Variants in SLC7A2 observed in about 807,000 individuals in gnomAD.
The protein encoded by SLC7A2 is cationic amino acid transporter 2.
Under a neutral mutation model 58.9 loss-of-function variants are expected in SLC7A2, and 48 were observed. The observed-to-expected ratio is 0.82, with a 90% CI of 0.65 to 1.04. The LOEUF (loss-of-function observed/expected upper bound fraction) is 1.04. Ranked by LOEUF, SLC7A2 falls within the 50% of genes least tolerant of loss-of-function variation. SLC7A2 has a pLI of 0.00. For missense variants in SLC7A2, 1,029 were observed against 818.8 expected, an observed-to-expected ratio of 1.26 and a Z score of -3.13; for synonymous variants, 363 against 314.5, an observed-to-expected ratio of 1.15 and a Z score of -1.63.
chr8:17,519,256 A>G (rs1240716255), intron 2 of SLC7A2, among the ~76,000 whole-genome samples: 2 of 152,202 alleles, frequency 1.3e-5, no homozygotes, highest in Non-Finnish European at 2.9e-5. Flanking sequence ...TTAGGTTTAT[A>G]TATGTAATAC....
chr8:17,556,176 C>A (rs1162574546), intron 8 of SLC7A2, among the ~76,000 whole-genome samples: 2 of 152,046 alleles, frequency 1.3e-5, no homozygotes, highest in African/African-American at 4.8e-5. Flanking sequence ...AAGGTTTGCC[C>A]AGATGATGTG....
intron 2 of SLC7A2, among the ~76,000 whole-genome samples, chr8:17,512,669 A>C (rs1800653488): frequency 1.3e-5 from 2 of 152,202 alleles, no homozygotes; most frequent in East Asian, 3.9e-4. Flanking sequence ...CATAACACAA[A>C]ATTTACCATC....
At chr8:17,508,599 C>T (rs772367958) in intron 2 of SLC7A2, among the ~76,000 whole-genome samples, 49 of 152,042 alleles carry the variant, frequency 3.2e-4, no homozygotes, top group Non-Finnish European at 5.1e-4. Flanking sequence ...TGGTGGGCAC[C>T]TGTAATCCTA....
chr8:17,545,491 G>C (rs758871078), intron 4 of SLC7A2, among the ~76,000 whole-genome samples: 1 of 144,290 alleles, frequency 6.9e-6, no homozygotes, highest in Non-Finnish European at 1.5e-5. Context: ...TCCGTCTCCC[G>C]GGTGCAAGCG....
intron 2 of SLC7A2, among the ~76,000 whole-genome samples, chr8:17,512,049 G>C (rs1800624328): frequency 6.6e-6 from 1 of 152,154 alleles, no homozygotes; most frequent in Non-Finnish European, 1.5e-5. Context: ...CAGTGGCTAT[G>C]GAATGCTTCT....
At position 17,530,545 on chromosome 8, in the gene SLC7A2, C is replaced by T. The variant is rs1189511171; in HGVS notation, c.-22-12773C>T. On this transcript the variant is annotated intron_variant, in intron 2 of 12. Coordinates refer to ENST00000494857, the MANE Select transcript of SLC7A2 (RefSeq NM_001370338.1). ...GTTGCTGAAGTTAGTTGGCAGAAGG[C>T]AGATTAGGTACAAGTGTGAGTAAAT... 2.0e-5 allele frequency among the ~76,000 whole-genome samples: 3 copies of T among 150,882 alleles called. No individual in the cohort carries two copies. The South Asian group carries it at 6.3e-4, about 32-fold the overall frequency.
intron 1 of SLC7A2, among the ~76,000 whole-genome samples, chr8:17,498,049 CA>C (rs1329100164): frequency 4.6e-5 from 7 of 152,136 alleles, no homozygotes; most frequent in African/African-American, 1.4e-4. Flanking sequence ...GCAAAAGCCA[CA>C]ATCATATGTG....
Position 17,552,108 on chromosome 8 carries a change from G to A in SLC7A2, c.1055+122G>A, listed in dbSNP as rs1284540055. 7 of 688,626 alleles carry A rather than the reference G, an allele frequency of 1.0e-5. No homozygotes were observed. In the African/African-American group the frequency reaches 1.3e-4, roughly 12 times the overall value. 42.7% of individuals were successfully genotyped at this position (688,626 alleles called of 1,614,324 possible). On this transcript the variant is annotated intron_variant, in intron 7 of 12. Coordinates refer to ENST00000494857, the MANE Select transcript of SLC7A2 (RefSeq NM_001370338.1). ...TAGAAACAAAATATTATGCAACTTTGTATTTATTGATTGGCTTGCTCAGAA... is the reference window on the plus strand; with the variant it reads ...TAGAAACAAAATATTATGCAACTTTATATTTATTGATTGGCTTGCTCAGAA...
chr8:17,566,298 G>C lies in SLC7A2; in HGVS notation c.*1152G>C, dbSNP rs1337347624. The C allele has an allele frequency of 6.6e-6, 1 of 152,220 alleles. No homozygotes were observed. 9.4% of individuals were successfully genotyped at this position (152,220 alleles called of 1,614,324 possible). A position where few individuals can be genotyped will look rare whatever the true frequency, so the allele number is the denominator to read the frequency against. ...GGGGGCTACAGCAGCATCATGCAAAGAGGGAAAGATGAAGGGATAGAAGAA... is the reference window on the plus strand; with the variant it reads ...GGGGGCTACAGCAGCATCATGCAAACAGGGAAAGATGAAGGGATAGAAGAA... On this transcript the variant is annotated 3_prime_UTR_variant, in exon 13 of 13. Coordinates refer to ENST00000494857, the MANE Select transcript of SLC7A2 (RefSeq NM_001370338.1).
intron 1 of SLC7A2, chr8:17,500,714 G>C (rs1271253426): frequency 6.6e-6 from 1 of 152,208 alleles, no homozygotes; most frequent in Non-Finnish European, 1.5e-5. Flanking sequence ...GCTTGAATCT[G>C]GGAGGTGGAG....
chr8:17,530,676 G>A (rs932641517), intron 2 of SLC7A2, among the ~76,000 whole-genome samples: 1 of 151,354 alleles, frequency 6.6e-6, no homozygotes, highest in South Asian at 2.1e-4. Context: ...AGGTTCAAGC[G>A]TTTCTCCTGC....
In SLC7A2 at chr8:17,523,336, G is replaced by A. The variant is rs1481507575; in HGVS notation, c.-22-19982G>A. 2.0e-5 allele frequency among the ~76,000 whole-genome samples: 3 copies of A among 152,090 alleles called. No individual in the cohort carries two copies. The East Asian group carries it at 5.8e-4, about 29-fold the overall frequency. ...AGAGTAAGCAAAAAGAACAAATCTG[G>A]AGGCATCATATTACCTGATTTCAAA... is the stretch of plus-strand genomic sequence containing the variant. On this transcript the variant is annotated intron_variant, in intron 2 of 12. Coordinates refer to ENST00000494857, the MANE Select transcript of SLC7A2 (RefSeq NM_001370338.1).
chr8:17,560,217 C>T (rs1337840833), intron 9 of SLC7A2, 111 bp from the exon 10 acceptor site: 13 of 748,332 alleles, frequency 1.7e-5, no homozygotes, highest in East Asian at 5.4e-5. Flanking sequence ...TGTTGATTTA[C>T]TCTACACACT....
At chr8:17,537,559 T>C (rs1801725484) in intron 2 of SLC7A2, among the ~76,000 whole-genome samples, 1 of 152,158 alleles carries the variant, frequency 6.6e-6, no homozygotes, top group African/African-American at 2.4e-5. Flanking sequence ...GATCCTTGGC[T>C]TCGGGGTATG....
Position 17,558,318 on chromosome 8 carries a change from C to G in SLC7A2, c.1219C>G (p.Leu407Val). 2 of 1,613,216 alleles carry G rather than the reference C, an allele frequency of 1.2e-6. No homozygotes were observed. The highest frequency in any genetic ancestry group is 1.7e-6 in the Non-Finnish European group (2 of 1,179,486). ...AGCTTTGATGGCCTTTCTGTTTGAC[C>G]TGAAGGCGCTTGTGGACATGATGTC... ...VAALMAFLFD[L>V]KALVDMMSIG... is the part of the protein sequence containing the mutation. Residue 407 changes from leucine (L) to valine (V), a missense_variant, in exon 9 of 13, where the codon CTG becomes GTG. Coordinates refer to ENST00000494857, the MANE Select transcript of SLC7A2 (RefSeq NM_001370338.1).
chr8:17,503,698 G>T (rs1800258768), intron 2 of SLC7A2, among the ~76,000 whole-genome samples: 1 of 152,166 alleles, frequency 6.6e-6, no homozygotes, highest in South Asian at 2.1e-4. Flanking sequence ...ATGATAATTT[G>T]TATCAATGTG....
intron 2 of SLC7A2, among the ~76,000 whole-genome samples, chr8:17,527,361 T>A (rs1244122684): frequency 6.6e-6 from 1 of 152,192 alleles, no homozygotes; most frequent in Admixed American, 6.5e-5. Flanking sequence ...TTTACTCCTA[T>A]CCATGTTTCA....
upstream of SLC7A2, among the ~76,000 whole-genome samples, chr8:17,495,956 A>G (rs1799947353): frequency 6.6e-6 from 1 of 152,314 alleles, no homozygotes; most frequent in South Asian, 2.1e-4. Context: ...TTATTAGATG[A>G]TCTTGGGGAT....
rs983414910 is a variant in SLC7A2, at chr8:17,507,388, G to A, written c.-23+5086G>A. ...GTGTGTGTGCATTATTATTATTTTT[G>A]TGTGTGTGGAGACGGGGGTCTCACT... On this transcript the variant is annotated intron_variant, in intron 2 of 12. Coordinates refer to ENST00000494857, the MANE Select transcript of SLC7A2 (RefSeq NM_001370338.1). Among the ~76,000 whole-genome samples, 30 of 152,088 alleles carry A rather than the reference G, an allele frequency of 2.0e-4. 1 individual carries two copies. The highest frequency in any genetic ancestry group is 1.4e-3 in the Admixed American group (21 of 15,254).
Sources: gnomAD v4.1 joint callset for allele counts (sites outside exome capture counted in the v4.1 genomes callset) on GRCh38, gnomAD v4.1.1 for gene constraint, MANE v1.5 for transcripts, NCBI Gene and HGNC (gene_info 2026-07-23, HGNC 2026-07-21) for gene names.